ANGPTL5: variants seen among roughly 807,000 people sequenced by gnomAD.
ANGPTL5 encodes the protein angiopoietin like 5, also known as angiopoietin-related protein 5.
ANGPTL5 carries 34 observed loss-of-function variants against 39.4 expected under a neutral mutation model. The observed-to-expected ratio is 0.86, with a 90% CI of 0.66 to 1.15. ANGPTL5 has a LOEUF of 1.15. Among genes scored for constraint, ANGPTL5 ranks in the 50% most tolerant of loss-of-function variants. ANGPTL5 has a pLI of 0.00. For synonymous variants in ANGPTL5, 146 were observed against 152.1 expected, an observed-to-expected ratio of 0.96 and a Z score of 0.29; for missense variants, 467 against 457.5, an observed-to-expected ratio of 1.02 and a Z score of -0.19.
In ANGPTL5 at chr11:101,894,965, A is replaced by C. The variant is rs1939765586; in HGVS notation, c.761T>G (p.Leu254Arg). 1 of 1,612,358 alleles carries C rather than the reference A, an allele frequency of 6.2e-7. No homozygotes were observed. Among genetic ancestry groups the C allele is most frequent in the African/African-American group, 1.3e-5 (1 of 74,880 alleles). ...YVALESEDDTLAYASYDNFWL... is the reference protein window; with the variant it reads ...YVALESEDDTRAYASYDNFWL... ...AAAATTATCATATGATGCATAAGCA[A>C]GAGTGTCATCTTCAGATTCCAAAGC... is the stretch of plus-strand genomic sequence containing the variant. The change falls in exon 8 of 9, where the codon CTT becomes CGT. Residue 254 changes from leucine (L) to arginine (R), a missense_variant. Leu to Arg is a moderately radical substitution (Grantham distance 102). Transcript: ENST00000334289.
rs775463209 is a variant in ANGPTL5 at position 101,900,426 on chromosome 11, T to C, written c.661+4A>G. The C allele has an allele frequency of 1.2e-6, 2 of 1,612,582 alleles. No homozygotes were observed. Among genetic ancestry groups the C allele is most frequent in the Non-Finnish European group, 1.7e-6 (2 of 1,179,480 alleles). On this transcript the variant is annotated splice_donor_region_variant and intron_variant, in intron 7 of 8. Coordinates refer to ENST00000334289, the MANE Select transcript of ANGPTL5 (RefSeq NM_178127.5). ...ATGTAGAGTAGAAATACAAAAAAAT[T>C]AACCTAGAAGATCTCCAAATCCATC...
intron 3 of ANGPTL5, 66 bp downstream of exon 3, chr11:101,907,037 T>C (rs1940007883): frequency 8.0e-7 from 1 of 1,252,346 alleles, no homozygotes; most frequent in African/African-American, 1.5e-5. Context: ...AAGTATACTT[T>C]TCAGTGTCTA....
At chr11:101,913,642 C>T (rs1940131543) in intron 1 of ANGPTL5, among the ~76,000 whole-genome samples, 1 of 152,162 alleles carries the variant, frequency 6.6e-6, no homozygotes, top group Non-Finnish European at 1.5e-5. Context: ...TACCAAGCCA[C>T]AAAGCAGTGA....
chr11:101,894,960 A>G lies in ANGPTL5; in HGVS notation c.766T>C (p.Tyr256His). ...AGCCAAAAATTATCATATGATGCAT[A>G]AGCAAGAGTGTCATCTTCAGATTCC... Reference protein sequence around the residue: ...ALESEDDTLAYASYDNFWLED... With the variant: ...ALESEDDTLAHASYDNFWLED... Residue 256 changes from tyrosine (Y) to histidine (H), a missense_variant, in exon 8 of 9, where the codon TAT becomes CAT. Physicochemically the swap from Tyr to His is moderately conservative, Grantham distance 83 (BLOSUM62 2). Transcript: ENST00000334289. The G allele has an allele frequency of 6.2e-7, 1 of 1,612,638 alleles. No homozygotes were observed. The highest frequency in any genetic ancestry group is 8.5e-7 in the Non-Finnish European group (1 of 1,178,798).
At chr11:101,915,690 A>C (rs1259566029) in intron 1 of ANGPTL5, among the ~76,000 whole-genome samples, 2 of 152,210 alleles carry the variant, frequency 1.3e-5, no homozygotes, top group Non-Finnish European at 2.9e-5. Flanking sequence ...TCAACTGTGT[A>C]TTCTGTGGGG....
intron 7 of ANGPTL5, among the ~76,000 whole-genome samples, chr11:101,896,156 ATATTTATTTATTTATTTATTTATTTATT>A (rs55980962): frequency 7.2e-6 from 1 of 139,622 alleles, no homozygotes; most frequent in African/African-American, 2.7e-5. Context: ...CTGTAATCCT[ATATTTATTTATTTATTTATTTATTTATT>A]TATTTATTTA....
Position 101,902,612 on chromosome 11 carries a change from G to A in ANGPTL5, c.540+9C>T, listed in dbSNP as rs778541806. On this transcript the variant is annotated intron_variant, in intron 6 of 8. Transcript: ENST00000334289. ...CATAATACGGGAAAACTTCAAATAC[G>A]GGAAATACCTCAAATGGGTAGCTAG... is the stretch of plus-strand genomic sequence containing the variant. 24 of 1,572,728 alleles carry A rather than the reference G, an allele frequency of 1.5e-5. No individual in the cohort carries two copies. Among genetic ancestry groups the A allele is most frequent in the South Asian group, 3.3e-5 (3 of 89,726 alleles).
chr11:101,904,397 A>G (rs1366923937), intron 5 of ANGPTL5, among the ~76,000 whole-genome samples: 4 of 152,150 alleles, frequency 2.6e-5, no homozygotes, highest in Non-Finnish European at 5.9e-5. Context: ...CTTGTCTTAC[A>G]TTTCTTTTTC....
At chr11:101,898,100 G>T (rs995811732) in intron 7 of ANGPTL5, among the ~76,000 whole-genome samples, 1 of 152,072 alleles carries the variant, frequency 6.6e-6, no homozygotes, top group Admixed American at 6.6e-5. Flanking sequence ...GCAGGCACCT[G>T]TAATCCCAAC....
At chr11:101,899,093 G>A (rs895673759) in intron 7 of ANGPTL5, among the ~76,000 whole-genome samples, 24 of 152,140 alleles carry the variant, frequency 1.6e-4, no homozygotes, top group African/African-American at 5.3e-4. Context: ...AGGGATATTG[G>A]CCTGAAATTT....
At chr11:101,912,823 G>A (rs1940113338) in intron 1 of ANGPTL5, among the ~76,000 whole-genome samples, 1 of 152,138 alleles carries the variant, frequency 6.6e-6, no homozygotes, top group South Asian at 2.1e-4. Context: ...TCTTCCTGTT[G>A]TAGTTTGGAC....
intron 4 of ANGPTL5, among the ~76,000 whole-genome samples, 191 bp from the exon 5 acceptor site, chr11:101,905,098 G>A (rs1306139043): frequency 6.6e-6 from 1 of 152,122 alleles, no homozygotes; most frequent in Non-Finnish European, 1.5e-5. Context: ...CCTCCTTAAC[G>A]TTGATTTTAT....
At chr11:101,906,116 A>C (rs1326131279) in intron 3 of ANGPTL5, among the ~76,000 whole-genome samples, 1 of 152,144 alleles carries the variant, frequency 6.6e-6, no homozygotes, top group Non-Finnish European at 1.5e-5. Flanking sequence ...GTTATCATTA[A>C]GAGACAGTGT....
intron 6 of ANGPTL5, 37 bp from the exon 7 acceptor site, chr11:101,900,587 A>G (rs750545611): frequency 6.3e-7 from 1 of 1,587,700 alleles, no homozygotes; most frequent in South Asian, 1.1e-5. Context: ...ATAATACACT[A>G]TTATTTTCAT....
chr11:101,912,515 T>C (rs1352979976), intron 1 of ANGPTL5, among the ~76,000 whole-genome samples: 2 of 152,104 alleles, frequency 1.3e-5, no homozygotes, highest in African/African-American at 4.8e-5. Flanking sequence ...ATTCTACAAC[T>C]TAAATAGAAT....
chr11:101,894,616 C>T (rs1939758677), intron 8 of ANGPTL5, among the ~76,000 whole-genome samples: 1 of 152,190 alleles, frequency 6.6e-6, no homozygotes, highest in African/African-American at 2.4e-5. Context: ...GCCTACTCCA[C>T]AGGCTCTCTA....
chr11:101,903,858 A>G (rs1018230238), intron 5 of ANGPTL5, among the ~76,000 whole-genome samples: 3 of 151,444 alleles, frequency 2.0e-5, no homozygotes, highest in African/African-American at 7.3e-5. Context: ...GCAAGCCCTT[A>G]TATTGTTCTG....
At chr11:101,900,860 C>T (rs908888873) in intron 6 of ANGPTL5, among the ~76,000 whole-genome samples, 5 of 149,750 alleles carry the variant, frequency 3.3e-5, no homozygotes, top group Non-Finnish European at 5.9e-5. Context: ...TTTTTCCCCC[C>T]TTTTTTTTTG....
chr11:101,907,794 A>C lies in ANGPTL5; in HGVS notation c.96+20T>G. 1 of 1,505,300 alleles carries C rather than the reference A, an allele frequency of 6.6e-7. No individual in the cohort carries two copies. The highest frequency in any genetic ancestry group is 9.2e-7 in the Non-Finnish European group (1 of 1,082,370). 93.2% of individuals were successfully genotyped at this position (1,505,300 alleles called of 1,614,324 possible). On this transcript the variant is annotated intron_variant, in intron 2 of 8. Coordinates refer to ENST00000334289, the MANE Select transcript of ANGPTL5 (RefSeq NM_178127.5). ...CTAATCATGCTTTCCTAGCTAATAT[A>C]ATATTGCTAAAATTCTTACCGTAGA... is the stretch of plus-strand genomic sequence containing the variant.
Sources: gnomAD v4.1 joint callset for allele counts (sites outside exome capture counted in the v4.1 genomes callset) on GRCh38, gnomAD v4.1.1 for gene constraint, MANE v1.5 for transcripts, NCBI Gene and HGNC (gene_info 2026-07-23, HGNC 2026-07-21) for gene names.